FRY: variants seen among roughly 807,000 people sequenced by gnomAD.
The protein encoded by FRY is FRY microtubule binding protein, also known as protein furry homolog.
In FRY, 128 loss-of-function variants were observed where a neutral mutation model predicts 348.4. That is an observed-to-expected ratio of 0.37 (90% CI 0.32 to 0.43). The LOEUF is 0.43. Among genes scored for constraint, FRY ranks in the 20% least tolerant of loss-of-function variants. The pLI is 1.00. For missense variants in FRY, 2,736 were observed against 3,695.2 expected (o/e 0.74, Z 6.73); for synonymous variants, 1,370 against 1,374.7 (o/e 1.00, Z 0.08).
intron 2 of FRY, among the ~76,000 whole-genome samples, chr13:32,089,822 G>A (rs1255483405): frequency 6.6e-6 from 1 of 152,172 alleles, no homozygotes; most frequent in Admixed American, 6.5e-5. Context: ...ATGGGAGGTG[G>A]AGGGCAATTC....
intron 7 of FRY, among the ~76,000 whole-genome samples, chr13:32,126,743 A>G (rs1036482952): frequency 6.6e-6 from 1 of 152,200 alleles, no homozygotes; most frequent in Non-Finnish European, 1.5e-5. Flanking sequence ...CTTCTTTCTC[A>G]TAAGTACACC....
intron 35 of FRY, among the ~76,000 whole-genome samples, chr13:32,212,781 G>T (rs1445627019): frequency 1.3e-5 from 2 of 152,180 alleles, no homozygotes; most frequent in Non-Finnish European, 2.9e-5. Flanking sequence ...TATGAAACAT[G>T]ATTATTATTA....
chr13:32,252,057 C>G (rs1887111652), intron 50 of FRY, 105 bp downstream of exon 50: 1 of 807,324 alleles, frequency 1.2e-6, no homozygotes. Context: ...CTGTGAATGA[C>G]AAGTATGATA....
intron 22 of FRY, among the ~76,000 whole-genome samples, chr13:32,179,466 T>A (rs896928615): frequency 1.3e-5 from 2 of 151,540 alleles, no homozygotes; most frequent in Admixed American, 6.6e-5. Context: ...GAATTTGTGT[T>A]CCAGGTGAGA....
chr13:32,289,488 T>A (rs1889227556), intron 58 of FRY, 145 bp from the exon 59 acceptor site: 1 of 643,818 alleles, frequency 1.6e-6, no homozygotes, highest in African/African-American at 1.8e-5. Flanking sequence ...AATGACTGTA[T>A]TTCATTTTTC....
At position 32,212,285 on chromosome 13, in the gene FRY, T is replaced by C. The variant is rs1390619015; in HGVS notation, c.4592-7T>C. ...TATAAGTGTTTTTCTTCCATTCCCA[T>C]CTACAGGAACCACCTCTAGCAGCAA... On this transcript the variant is annotated splice_polypyrimidine_tract_variant and splice_region_variant and intron_variant, in intron 34 of 60. Transcript: ENST00000542859. 1.9e-6 allele frequency: 3 copies of C among 1,576,474 alleles called. No homozygotes were observed. The highest frequency in any genetic ancestry group is 2.6e-6 in the Non-Finnish European group (3 of 1,147,350).
intron 38 of FRY, among the ~76,000 whole-genome samples, chr13:32,225,553 C>T (rs1344245393): frequency 6.6e-6 from 1 of 152,160 alleles, no homozygotes; most frequent in Non-Finnish European, 1.5e-5. Context: ...TCAAATGCTA[C>T]AGAGAGGTCA....
rs531312085 is a variant in FRY at position 32,255,134 on chromosome 13, T to C, written c.7416+740T>C. On this transcript the variant is annotated intron_variant, in intron 51 of 60. Transcript: ENST00000542859. ...GAGGCATGTTCCACCTGAGAGGCCGTCTTTTGCCTCATGGGATCAAAACTC... is the reference window on the plus strand; with the variant it reads ...GAGGCATGTTCCACCTGAGAGGCCGCCTTTTGCCTCATGGGATCAAAACTC... 2.0e-4 allele frequency among the ~76,000 whole-genome samples: 30 copies of C among 152,328 alleles called. 1 individual carries two copies. In the South Asian group the frequency reaches 6.0e-3, roughly 31 times the overall value.
At chr13:32,204,885 C>A (rs1355666502) in intron 31 of FRY, among the ~76,000 whole-genome samples, 2 of 152,210 alleles carry the variant, frequency 1.3e-5, no homozygotes, top group African/African-American at 2.4e-5. Flanking sequence ...TCCCATCAAA[C>A]GTTCATAGTC....
chr13:32,147,378 A>G lies in FRY; in HGVS notation c.1276A>G (p.Thr426Ala). 1 of 1,585,972 alleles carries G rather than the reference A, an allele frequency of 6.3e-7. No individual in the cohort carries two copies. The highest frequency in any genetic ancestry group is 8.7e-7 in the Non-Finnish European group (1 of 1,154,434). Residue 426 changes from threonine (T) to alanine (A), a missense_variant, in exon 12 of 61, where the codon ACT (threonine) becomes GCT (alanine). By Grantham distance (58) the Thr-to-Ala change is moderately conservative (BLOSUM62 0). Coordinates refer to ENST00000542859, the MANE Select transcript of FRY (RefSeq NM_023037.3). Reference sequence around the variant, plus strand: ...AATTAAATGTGAAAGCAACACAGCTACTCAGAGGTAAGATTTGGCTTGTGT... The same window carrying G: ...AATTAAATGTGAAAGCAACACAGCTGCTCAGAGGTAAGATTTGGCTTGTGT... ...IRIKCESNTA[T>A]QSRLITIITT...
At chr13:32,268,967 T>G (rs936554451) in intron 55 of FRY, among the ~76,000 whole-genome samples, 1 of 152,180 alleles carries the variant, frequency 6.6e-6, no homozygotes, top group African/African-American at 2.4e-5. Context: ...TAGTTCCAAC[T>G]TTGAATAGAC....
At chr13:32,176,064 G>A (rs1047897953) in intron 20 of FRY, among the ~76,000 whole-genome samples, 2 of 152,062 alleles carry the variant, frequency 1.3e-5, no homozygotes, top group African/African-American at 4.8e-5. Context: ...AATGTTAAGG[G>A]GTAAGTCCAC....
intron 44 of FRY, 81 bp downstream of exon 44, chr13:32,238,067 T>TA (rs1175194035): frequency 2.2e-5 from 33 of 1,473,344 alleles, no homozygotes; most frequent in Non-Finnish European, 2.8e-5. Flanking sequence ...AATATGAACT[T>TA]ACTGCTTTTA....
rs773091394 is a variant in FRY at position 32,178,883 on chromosome 13, C to T, written c.2721C>T (p.Ser907=). The T allele has an allele frequency of 1.1e-5, 17 of 1,613,332 alleles. No individual in the cohort carries two copies. Among genetic ancestry groups the T allele is most frequent in the Admixed American group, 1.7e-5 (1 of 59,994 alleles). The change falls in exon 22 of 61, where the codon AGC becomes AGT. Residue 907 remains serine (S), a synonymous_variant. Coordinates refer to ENST00000542859, the MANE Select transcript of FRY (RefSeq NM_023037.3). ...INAKKTSTAG[S]GDNYVTLWRN... is the part of the protein sequence containing the mutation. ...CCAAGAAAACCAGCACTGCCGGCAG[C>T]GGAGACAACTATGTTACTTTGTGGA...
At chr13:32,238,954 A>G (rs1243739972) in intron 44 of FRY, among the ~76,000 whole-genome samples, 1 of 152,214 alleles carries the variant, frequency 6.6e-6, no homozygotes, top group African/African-American at 2.4e-5. Context: ...ACTAGTACTC[A>G]GTTTGGCTCA....
At chr13:32,036,372 G>A (rs180767227) in intron 1 of FRY, among the ~76,000 whole-genome samples, 27 of 152,200 alleles carry the variant, frequency 1.8e-4, no homozygotes, top group African/African-American at 3.6e-4. Context: ...TTCTGCTAAC[G>A]TAGTTTACAG....
chr13:32,115,179 A>C (rs1189014310), intron 3 of FRY, among the ~76,000 whole-genome samples: 4 of 152,200 alleles, frequency 2.6e-5, no homozygotes, highest in Non-Finnish European at 5.9e-5. Flanking sequence ...GTTCAATCTT[A>C]AGGTTTCTTT....
intron 7 of FRY, among the ~76,000 whole-genome samples, chr13:32,129,765 C>T (rs1879234226): frequency 6.6e-6 from 1 of 152,114 alleles, no homozygotes; most frequent in Non-Finnish European, 1.5e-5. Flanking sequence ...ATGTAGCAAA[C>T]ATAGAGGAAA....
intron 1 of FRY, among the ~76,000 whole-genome samples, chr13:32,044,168 A>G (rs1196798814): frequency 6.6e-6 from 1 of 152,254 alleles, no homozygotes; most frequent in Non-Finnish European, 1.5e-5. Context: ...CAACAATAGT[A>G]GATGAAATGC....
Sources: allele counts gnomAD v4.1 joint callset (sites outside exome capture counted in the v4.1 genomes callset), GRCh38; gene constraint gnomAD v4.1.1; transcripts MANE v1.5; gene names NCBI Gene and HGNC (gene_info 2026-07-23, HGNC 2026-07-21).